Variants in CTNNA3 observed in about 807,000 individuals in gnomAD.
CTNNA3 encodes catenin alpha 3.
A neutral mutation model predicts 95.7 loss-of-function variants in CTNNA3; 76 were observed. That is an observed-to-expected ratio of 0.79 (90% CI 0.66 to 0.96). CTNNA3 has a LOEUF of 0.96. Ranked by LOEUF, CTNNA3 falls within the 40% of genes least tolerant of loss-of-function variation. The pLI is 0.00. For synonymous variants in CTNNA3, 431 were observed against 374.4 expected (o/e 1.15, Z -1.74); for missense variants, 1,191 against 1,089.8 (o/e 1.09, Z -1.31).
chr10:67,362,105 T>C (rs1055197704), intron 5 of CTNNA3, among the ~76,000 whole-genome samples: 1 of 151,794 alleles, frequency 6.6e-6, no homozygotes, highest in African/African-American at 2.4e-5. Flanking sequence ...CAATAACAAG[T>C]TCCAAAGTTG....
At chr10:67,107,109 A>T (rs1858676825) in intron 7 of CTNNA3, among the ~76,000 whole-genome samples, 1 of 152,222 alleles carries the variant, frequency 6.6e-6, no homozygotes, top group African/African-American at 2.4e-5. Context: ...GGCAAGACAA[A>T]GATGAGAGGG....
intron 1 of CTNNA3, among the ~76,000 whole-genome samples, chr10:67,654,040 T>C (rs1218805058): frequency 6.6e-6 from 1 of 152,126 alleles, no homozygotes; most frequent in Non-Finnish European, 1.5e-5. Context: ...AGTTTGGGTG[T>C]ACAGGCTGGG....
intron 15 of CTNNA3, among the ~76,000 whole-genome samples, chr10:66,028,901 T>G (rs2079397535): frequency 6.6e-6 from 1 of 151,526 alleles, no homozygotes; most frequent in South Asian, 2.1e-4. Context: ...TAGGGTGCAG[T>G]GGGGAAAAAA....
At chr10:66,185,613 T>C (rs576560613) in intron 13 of CTNNA3, among the ~76,000 whole-genome samples, 1 of 152,202 alleles carries the variant, frequency 6.6e-6, no homozygotes, top group South Asian at 2.1e-4. Flanking sequence ...AAAATTTGTC[T>C]AAAATGTTAC....
chr10:67,688,956 A>G (rs10997781), intron 1 of CTNNA3, among the ~76,000 whole-genome samples: 35,900 of 152,088 alleles, frequency 0.24, 5,097 homozygotes, highest in East Asian at 0.52. Flanking sequence ...GAGGAAGGTC[A>G]GATTTAGTGG....
At chr10:66,980,851 T>G (rs1307065382) in intron 7 of CTNNA3, among the ~76,000 whole-genome samples, 1 of 152,178 alleles carries the variant, frequency 6.6e-6, no homozygotes, top group Non-Finnish European at 1.5e-5. Flanking sequence ...ACACCAGAAC[T>G]TTCTTCTCAC....
rs1165357092 is a variant in CTNNA3, at chr10:66,904,473, T to TA, written c.1048-128950dup. 8.5e-5 allele frequency among the ~76,000 whole-genome samples: 13 copies of TA among 152,166 alleles called. No individual in the cohort carries two copies. The East Asian group carries it at 2.5e-3, about 29-fold the overall frequency. ...TAGGCATGGGCAAAGACTTCATGACTAAAACACCAAAAACAATGGCAACAA... is the reference window on the plus strand; with the variant it reads ...TAGGCATGGGCAAAGACTTCATGACTAAAAACACCAAAAACAATGGCAACAA... On this transcript the variant is annotated intron_variant, in intron 7 of 17. Coordinates refer to ENST00000433211, the MANE Select transcript of CTNNA3 (RefSeq NM_013266.4).
At chr10:67,167,008 G>A (rs1861797807) in intron 7 of CTNNA3, among the ~76,000 whole-genome samples, 1 of 152,036 alleles carries the variant, frequency 6.6e-6, no homozygotes, top group Non-Finnish European at 1.5e-5. Context: ...TCAGGAGGCT[G>A]AGGAAGGAGA....
intron 16 of CTNNA3, among the ~76,000 whole-genome samples, chr10:65,980,811 C>G (rs963768578): frequency 2.0e-5 from 3 of 151,906 alleles, no homozygotes; most frequent in Non-Finnish European, 4.4e-5. Context: ...GATTAAAGCC[C>G]TCAGCAAAAT....
At chr10:67,033,087 C>T (rs552304824) in intron 7 of CTNNA3, among the ~76,000 whole-genome samples, 92 of 152,152 alleles carry the variant, frequency 6.0e-4, no homozygotes, top group Middle Eastern at 3.4e-3. Flanking sequence ...TTTGGAAACT[C>T]GAAATTCTTA....
rs751044269 is a variant in CTNNA3 at position 67,539,608 on chromosome 10, C to T, written c.354G>A (p.Arg118=). 3.1e-6 allele frequency: 5 copies of T among 1,613,736 alleles called. No individual in the cohort carries two copies. In the South Asian group the frequency reaches 3.3e-5, roughly 11 times the overall value. ...CACGGGCAGCTTGAACCACAGCCTC[C>T]CTTTTTGGGAGAAAACAGGGGTCAT... ...FTDDPCFLPK[R]EAVVQAARAL... Residue 118 remains arginine (R), a synonymous_variant, in exon 4 of 18, where the codon AGG becomes AGA. Coordinates refer to ENST00000433211, the MANE Select transcript of CTNNA3 (RefSeq NM_013266.4).
At chr10:67,741,395 C>T (rs1196206871) in intron 1 of CTNNA3, among the ~76,000 whole-genome samples, 6 of 143,936 alleles carry the variant, frequency 4.2e-5, no homozygotes, top group Non-Finnish European at 7.7e-5. Context: ...AATTTCATAT[C>T]CAGCCAAACT....
intron 9 of CTNNA3, among the ~76,000 whole-genome samples, chr10:66,670,976 C>T (rs1046373231): frequency 1.2e-4 from 18 of 152,134 alleles, no homozygotes; most frequent in African/African-American, 4.3e-4. Context: ...TTAGAAGTTT[C>T]CATTAAGAAT....
At chr10:66,067,987 T>G (rs1166300418) in intron 15 of CTNNA3, among the ~76,000 whole-genome samples, 1 of 152,182 alleles carries the variant, frequency 6.6e-6, no homozygotes, top group Non-Finnish European at 1.5e-5. Context: ...AGTACAGATA[T>G]GGATACAGAT....
intron 1 of CTNNA3, among the ~76,000 whole-genome samples, chr10:67,684,939 G>A (rs6480287): frequency 0.24 from 35,950 of 152,076 alleles, 5,113 homozygotes; most frequent in East Asian, 0.52. Flanking sequence ...AACGCTGGGC[G>A]GCATCTTGTA....
intron 6 of CTNNA3, among the ~76,000 whole-genome samples, chr10:67,215,987 G>A (rs1360490791): frequency 2.0e-5 from 3 of 152,068 alleles, no homozygotes; most frequent in Non-Finnish European, 4.4e-5. Context: ...GATTATTTAT[G>A]TATATAAAAA....
chr10:67,715,189 T>C (rs1359480143), intron 1 of CTNNA3, among the ~76,000 whole-genome samples: 1 of 152,254 alleles, frequency 6.6e-6, no homozygotes, highest in Non-Finnish European at 1.5e-5. Context: ...AACCTTATTT[T>C]AGAAACCAGA....
At chr10:66,882,085 C>T (rs750422213) in intron 7 of CTNNA3, among the ~76,000 whole-genome samples, 4 of 152,036 alleles carry the variant, frequency 2.6e-5, no homozygotes, top group Non-Finnish European at 4.4e-5. Context: ...AGATTCTCTA[C>T]ATAGGACATG....
At chr10:67,613,307 T>C (rs1367872147) in intron 2 of CTNNA3, among the ~76,000 whole-genome samples, 2 of 152,056 alleles carry the variant, frequency 1.3e-5, no homozygotes, top group Non-Finnish European at 2.9e-5. Flanking sequence ...GGGGCCGTGC[T>C]TGACTCATCC....
Sources: gnomAD v4.1 joint callset for allele counts (sites outside exome capture counted in the v4.1 genomes callset) on GRCh38, gnomAD v4.1.1 for gene constraint, MANE v1.5 for transcripts, NCBI Gene and HGNC (gene_info 2026-07-23, HGNC 2026-07-21) for gene names.